The following FBXO34 variants were observed in gnomAD, a reference collection of about 807,000 sequenced individuals.
FBXO34 encodes F-box protein 34.
Under a neutral mutation model 24.5 loss-of-function variants are expected in FBXO34, and 12 were observed. The observed-to-expected ratio is 0.49, with a 90% CI of 0.31 to 0.79. The LOEUF (loss-of-function observed/expected upper bound fraction) is 0.79, where lower values mean the gene tolerates loss of function less well. Ranked by LOEUF, FBXO34 falls within the 30% of genes least tolerant of loss-of-function variation. FBXO34 has a pLI of 0.04. For missense variants in FBXO34, 823 were observed against 857.7 expected (o/e 0.96, Z 0.51); for synonymous variants, 320 against 311.9 (o/e 1.03, Z -0.27).
At chr14:55,424,101 G>C in the FBXO34 span, 1 of 1,225,712 alleles carries the variant, frequency 8.2e-7, no homozygotes, top group East Asian at 2.3e-5. Flanking sequence ...AAAAGAATAA[G>C]CAAAGCACAT....
the FBXO34 span, among the ~76,000 whole-genome samples, chr14:55,402,323 TA>T: frequency 1.3e-5 from 2 of 152,100 alleles, no homozygotes; most frequent in African/African-American, 2.4e-5. Flanking sequence ...GAAACACTAC[TA>T]ATGTATTTTA....
downstream of FBXO34, among the ~76,000 whole-genome samples, chr14:55,374,948 C>T (rs1352204142): frequency 2.0e-5 from 3 of 152,210 alleles, no homozygotes; most frequent in African/African-American, 7.2e-5. Context: ...TTATTGTTTT[C>T]AAAACTTCCT....
chr14:55,410,310 T>C, the FBXO34 span, among the ~76,000 whole-genome samples: 3 of 152,200 alleles, frequency 2.0e-5, no homozygotes, highest in Non-Finnish European at 4.4e-5. Context: ...ATAGATGGTA[T>C]TTAAATTATG....
chr14:55,380,807 C>A, the FBXO34 span: 25,652 of 445,710 alleles, frequency 0.058, 891 homozygotes, highest in South Asian at 0.074. Context: ...TTTAGTGCTT[C>A]CTTAATAGAT....
chr14:55,398,681 T>C, the FBXO34 span, among the ~76,000 whole-genome samples: 1 of 152,184 alleles, frequency 6.6e-6, no homozygotes, highest in Non-Finnish European at 1.5e-5. Flanking sequence ...GCTTTGCATA[T>C]GGTATGCCGT....
At chr14:55,297,619 G>T (rs1882185846) in intron 1 of FBXO34, among the ~76,000 whole-genome samples, 1 of 152,086 alleles carries the variant, frequency 6.6e-6, no homozygotes, top group East Asian at 1.9e-4. Context: ...ATAGGATTAG[G>T]TAATTTTAGA....
chr14:55,367,943 AATT>A (rs957678815), exon 3 of FBXO34: 3 of 152,684 alleles, frequency 2.0e-5, no homozygotes, highest in South Asian at 2.1e-4. Flanking sequence ...TATCAACTAC[AATT>A]ATTATGATGA....
downstream of FBXO34, chr14:55,354,653 T>C (rs987638877): frequency 2.6e-5 from 4 of 152,274 alleles, no homozygotes; most frequent in Non-Finnish European, 5.9e-5. Flanking sequence ...GTTATCTGTT[T>C]TGAACTATGT....
the FBXO34 span, among the ~76,000 whole-genome samples, chr14:55,389,309 G>C: frequency 5.4e-4 from 82 of 152,074 alleles, no homozygotes; most frequent in Admixed American, 1.1e-3. Context: ...GGGAGAGCAT[G>C]AACTAATGTT....
intron 1 of FBXO34, among the ~76,000 whole-genome samples, chr14:55,323,490 C>G (rs1325188777): frequency 6.6e-6 from 1 of 151,608 alleles, no homozygotes; most frequent in Non-Finnish European, 1.5e-5. Context: ...TCAAGTGATT[C>G]TCCTGCCTCA....
intron 1 of FBXO34, chr14:55,299,139 A>G (rs1882251366): frequency 8.1e-6 from 10 of 1,234,754 alleles, no homozygotes; most frequent in African/African-American, 1.5e-5. Context: ...GGAACCAGAC[A>G]AGAATTTGCT....
chr14:55,280,167 A>G (rs1188312197), intron 1 of FBXO34, among the ~76,000 whole-genome samples: 1 of 152,200 alleles, frequency 6.6e-6, no homozygotes, highest in Non-Finnish European at 1.5e-5. Flanking sequence ...ACATACATGT[A>G]TATATATCAC....
chr14:55,354,327 A>C (rs1884487465), downstream of FBXO34, among the ~76,000 whole-genome samples: 1 of 152,140 alleles, frequency 6.6e-6, no homozygotes, highest in African/African-American at 2.4e-5. Flanking sequence ...CCATCTCAGT[A>C]GTGCCTTCTT....
chr14:55,321,779 G>C (rs1381727475), intron 1 of FBXO34, among the ~76,000 whole-genome samples: 1 of 152,180 alleles, frequency 6.6e-6, no homozygotes, highest in African/African-American at 2.4e-5. Context: ...TGGAGAAAGT[G>C]AATCAATACC....
chr14:55,414,287 T>G, the FBXO34 span: 3 of 968,776 alleles, frequency 3.1e-6, no homozygotes, highest in Non-Finnish European at 4.7e-6. Context: ...ACTTGTAACA[T>G]CTACAATTAA....
Position 55,350,414 on chromosome 14 carries a change from G to A in FBXO34, c.24G>A (p.Lys8=), listed in dbSNP as rs950292724. The A allele has an allele frequency of 6.3e-7, 1 of 1,586,380 alleles. No homozygotes were observed. The highest frequency in any genetic ancestry group is 1.4e-5 in the African/African-American group (1 of 73,008). MHLKPYW[K]LQKKEHPPEV... is the part of the protein sequence containing the mutation. The stretch of plus-strand genomic sequence containing the variant: ...TTATGCACCTAAAGCCATATTGGAA[G>A]CTCCAGAAGAAAGAGCACCCCCCGG... The change falls in exon 2 of 2, where the codon AAG becomes AAA. Residue 8 remains lysine, a synonymous_variant. Transcript: ENST00000313833.
At chr14:55,355,414 C>G (rs1378938861), downstream of FBXO34, among the ~76,000 whole-genome samples, 2 of 152,142 alleles carry the variant, frequency 1.3e-5, no homozygotes, top group African/African-American at 2.4e-5. Flanking sequence ...CACCACATGC[C>G]CCTCTTCTTG....
At chr14:55,432,910 A>T in the FBXO34 span, among the ~76,000 whole-genome samples, 1 of 152,206 alleles carries the variant, frequency 6.6e-6, no homozygotes, top group South Asian at 2.1e-4. Flanking sequence ...GAGCTAATGC[A>T]AGCTAATGCT....
chr14:55,430,398 TAAAAAA>T, the FBXO34 span, among the ~76,000 whole-genome samples: 5 of 119,802 alleles, frequency 4.2e-5, no homozygotes, highest in Admixed American at 1.8e-4. Flanking sequence ...TCACCCACTT[TAAAAAA>T]AAAAAAAAAA....
Sources: allele counts gnomAD v4.1 joint callset (sites outside exome capture counted in the v4.1 genomes callset), GRCh38; gene constraint gnomAD v4.1.1; transcripts MANE v1.5; gene names NCBI Gene and HGNC (gene_info 2026-07-23, HGNC 2026-07-21).